Variants in GMDS observed in about 807,000 individuals in gnomAD.
GMDS encodes the protein GDP-mannose 4,6 dehydratase.
GMDS carries 20 observed loss-of-function variants against 49.9 expected under a neutral mutation model. The observed-to-expected ratio is 0.40, with a 90% CI of 0.28 to 0.58. GMDS has a LOEUF of 0.58. Among genes scored for constraint, GMDS ranks in the 20% least tolerant of loss-of-function variants. The pLI is 0.42. For missense variants in GMDS, 362 were observed against 481.4 expected (o/e 0.75, Z 2.32); for synonymous variants, 177 against 178.6 (o/e 0.99, Z 0.07).
At chr6:1,716,247 T>C (rs895808779) in intron 9 of GMDS, among the ~76,000 whole-genome samples, 5 of 152,226 alleles carry the variant, frequency 3.3e-5, no homozygotes, top group Admixed American at 3.3e-4. Flanking sequence ...AAGTAAGGCC[T>C]TCCCTATTCC....
rs527376827 is a variant in GMDS at position 2,067,326 on chromosome 6, T to C, written c.345+48445A>G. ...AAGAGAAAGCAGGAAAGATCCAAAA[T>C]TGACACCCTAACATCACAATTAAAA... On this transcript the variant is annotated intron_variant, in intron 4 of 10. Coordinates refer to ENST00000380815, the MANE Select transcript of GMDS (RefSeq NM_001500.4). Among the ~76,000 whole-genome samples, 7 of 151,046 alleles carry C rather than the reference T, an allele frequency of 4.6e-5. No homozygotes were observed. The East Asian group carries it at 7.8e-4, about 17-fold the overall frequency.
chr6:1,887,900 G>A (rs1561866489), intron 7 of GMDS, among the ~76,000 whole-genome samples: 1 of 152,022 alleles, frequency 6.6e-6, no homozygotes, highest in South Asian at 2.1e-4. Flanking sequence ...TAAATACAAT[G>A]TAGATGTTAT....
chr6:2,139,494 G>A (rs1446396853), intron 1 of GMDS, among the ~76,000 whole-genome samples: 1 of 152,230 alleles, frequency 6.6e-6, no homozygotes, highest in Non-Finnish European at 1.5e-5. Context: ...CTGCTCGACA[G>A]ACACATGTGG....
Position 2,191,643 on chromosome 6 carries a change from C to G in GMDS, c.102+53678G>C, listed in dbSNP as rs1181311722. Among the ~76,000 whole-genome samples the G allele has an allele frequency of 6.6e-6, 1 of 152,208 alleles. No individual in the cohort carries two copies. Among genetic ancestry groups the G allele is most frequent in the Non-Finnish European group, 1.5e-5 (1 of 68,026 alleles). ...GGGCCAAGCCGGGGAGCTGTCACAG[C>G]CCAGCCAGGTATGTGAGGGTCCTGC... is the stretch of plus-strand genomic sequence containing the variant. On this transcript the variant is annotated intron_variant, in intron 1 of 10. Coordinates refer to ENST00000380815, the MANE Select transcript of GMDS (RefSeq NM_001500.4). The surrounding 1 kb of genome is among the most constrained non-coding windows in gnomAD (Gnocchi z 4.6).
intron 9 of GMDS, among the ~76,000 whole-genome samples, chr6:1,634,740 G>A (rs1763092031): frequency 6.6e-6 from 1 of 152,156 alleles, no homozygotes; most frequent in African/African-American, 2.4e-5. Flanking sequence ...TTAGAAAGAG[G>A]GGCAAGAGCA....
chr6:1,769,688 T>G (rs761313812), intron 7 of GMDS, among the ~76,000 whole-genome samples: 10 of 149,484 alleles, frequency 6.7e-5, no homozygotes, highest in Non-Finnish European at 1.3e-4. Context: ...TAACACAGAG[T>G]TTAAATGTTT....
chr6:1,764,069 TG>T (rs1768258087), intron 7 of GMDS, among the ~76,000 whole-genome samples: 1 of 151,874 alleles, frequency 6.6e-6, no homozygotes, highest in Non-Finnish European at 1.5e-5. Context: ...CTACTGAGGC[TG>T]GGGGTTAAGA....
chr6:1,692,556 T>C (rs1319504340), intron 9 of GMDS, among the ~76,000 whole-genome samples: 2 of 152,260 alleles, frequency 1.3e-5, no homozygotes, highest in East Asian at 1.9e-4. Flanking sequence ...GCATTGGAAG[T>C]TGTCCTCCAG....
chr6:1,804,813 G>T (rs1371512067), intron 7 of GMDS, among the ~76,000 whole-genome samples: 2 of 151,948 alleles, frequency 1.3e-5, no homozygotes, highest in Non-Finnish European at 2.9e-5. Context: ...AATGGCAGCT[G>T]AACTATATTA....
chr6:2,185,769 C>T (rs553113298), intron 1 of GMDS, among the ~76,000 whole-genome samples: 1 of 152,160 alleles, frequency 6.6e-6, no homozygotes, highest in Non-Finnish European at 1.5e-5. Context: ...GAAGCCTCAT[C>T]AGCTTGTGAT....
At chr6:1,776,636 C>T (rs1768847234) in intron 7 of GMDS, among the ~76,000 whole-genome samples, 1 of 152,084 alleles carries the variant, frequency 6.6e-6, no homozygotes, top group African/African-American at 2.4e-5. Flanking sequence ...GCTATGATTG[C>T]ACTATTGCAC....
intron 7 of GMDS, among the ~76,000 whole-genome samples, chr6:1,915,699 A>T (rs1761351135): frequency 6.6e-6 from 1 of 152,182 alleles, no homozygotes; most frequent in Non-Finnish European, 1.5e-5. Flanking sequence ...AACGCGCCTG[A>T]TCTGGGCCAG....
chr6:1,655,059 C>CAAA (rs66508419), intron 9 of GMDS, among the ~76,000 whole-genome samples: 32 of 117,314 alleles, frequency 2.7e-4, no homozygotes, highest in East Asian at 1.1e-3. Context: ...GATACCGTCT[C>CAAA]AAAAAAAAAA....
rs994892615 is a variant in GMDS, at chr6:2,188,485, G to A, written c.102+56836C>T. 3.3e-5 allele frequency among the ~76,000 whole-genome samples: 5 copies of A among 152,214 alleles called. No individual in the cohort carries two copies. In the East Asian group the frequency reaches 5.8e-4, roughly 18 times the overall value. ...AAAAATGCTATTTTGATATGGACGGGGATTCATTACTGAAGTAGGAAAAAG... is the reference window on the plus strand; with the variant it reads ...AAAAATGCTATTTTGATATGGACGGAGATTCATTACTGAAGTAGGAAAAAG... On this transcript the variant is annotated intron_variant, in intron 1 of 10. Coordinates refer to ENST00000380815, the MANE Select transcript of GMDS (RefSeq NM_001500.4).
intron 4 of GMDS, among the ~76,000 whole-genome samples, chr6:1,976,198 TTGTTTAAGTC>T (rs1441567712): frequency 1.6e-5 from 1 of 64,428 alleles, no homozygotes; most frequent in African/African-American, 4.7e-5. Context: ...GGTATACTCT[TTGTTTAAGTC>T]TGATTAAATT....
intron 9 of GMDS, among the ~76,000 whole-genome samples, chr6:1,638,267 C>T (rs1763224422): frequency 2.0e-5 from 3 of 152,114 alleles, no homozygotes; most frequent in African/African-American, 7.2e-5. Context: ...AGCCTGATGC[C>T]GCCCTGGGTT....
chr6:1,769,666 A>T (rs1158371165), intron 7 of GMDS, among the ~76,000 whole-genome samples: 1 of 151,950 alleles, frequency 6.6e-6, no homozygotes, highest in Non-Finnish European at 1.5e-5. Flanking sequence ...CAAAATTTTG[A>T]TATCCTTTAG....
intron 6 of GMDS, among the ~76,000 whole-genome samples, chr6:1,950,257 C>T (rs963095488): frequency 6.6e-6 from 1 of 152,170 alleles, no homozygotes; most frequent in African/African-American, 2.4e-5. Flanking sequence ...ACCCTTCACA[C>T]TAATATTAGT....
chr6:2,154,383 C>A (rs1176016325), intron 1 of GMDS, among the ~76,000 whole-genome samples: 6 of 151,992 alleles, frequency 3.9e-5, no homozygotes, highest in Admixed American at 6.5e-5. Flanking sequence ...AATAAATTTT[C>A]TTTTCTATTC....
Sources: gnomAD v4.1 joint callset for allele counts (sites outside exome capture counted in the v4.1 genomes callset) on GRCh38, gnomAD v4.1.1 for gene constraint, Gnocchi (gnomAD v3.1) non-coding constraint, MANE v1.5 for transcripts, NCBI Gene and HGNC (gene_info 2026-07-23, HGNC 2026-07-21) for gene names.